BATF: variants seen among roughly 807,000 people sequenced by gnomAD.
The protein encoded by BATF is basic leucine zipper ATF-like transcription factor, also known as basic leucine zipper transcriptional factor ATF-like.
A neutral mutation model predicts 13.7 loss-of-function variants in BATF; 5 were observed. The ratio of observed to expected loss-of-function variants is 0.36; its 90% confidence interval spans 0.19 to 0.77. The LOEUF is 0.77. Among genes scored for constraint, BATF ranks in the 30% least tolerant of loss-of-function variants. The pLI is 0.51. For missense variants in BATF, 124 were observed against 163.0 expected (o/e 0.76, Z 1.30); for synonymous variants, 72 against 67.5 (o/e 1.07, Z -0.33).
At chr14:75,525,400 C>T (rs145886829) in intron 2 of BATF, among the ~76,000 whole-genome samples, 8 of 152,026 alleles carry the variant, frequency 5.3e-5, no homozygotes, top group Non-Finnish European at 1.0e-4. Flanking sequence ...TGGTGGCTCA[C>T]ACCTGTAATC....
intron 2 of BATF, among the ~76,000 whole-genome samples, chr14:75,529,122 G>GA (rs1024748882): frequency 2.6e-5 from 4 of 151,690 alleles, no homozygotes; most frequent in African/African-American, 9.7e-5. Flanking sequence ...AGTTTCCAGT[G>GA]AAAAAAAATC....
intron 2 of BATF, among the ~76,000 whole-genome samples, chr14:75,540,349 G>A (rs1887878867): frequency 6.6e-6 from 1 of 152,056 alleles, no homozygotes; most frequent in East Asian, 1.9e-4. Flanking sequence ...ATGTTCCCAC[G>A]CCCCCAGGAA....
At chr14:75,524,995 G>T in intron 1 of BATF, 89 bp from the exon 2 acceptor site, 2 of 1,130,240 alleles carry the variant, frequency 1.8e-6, no homozygotes, top group Non-Finnish European at 1.3e-6. Context: ...TGGAAGGATG[G>T]CTGGACGGAT....
chr14:75,539,727 C>T (rs1428552503), intron 2 of BATF, among the ~76,000 whole-genome samples: 1 of 152,066 alleles, frequency 6.6e-6, no homozygotes, highest in East Asian at 1.9e-4. Context: ...GAATCACACA[C>T]GTGCATTATT....
chr14:75,546,351 A>C, intron 2 of BATF, 111 bp from the exon 3 acceptor site: 1 of 1,058,350 alleles, frequency 9.4e-7, no homozygotes, highest in Non-Finnish European at 1.4e-6. Flanking sequence ...GCCCTTCTCC[A>C]TGGCTGTGCT....
At chr14:75,528,207 G>T (rs1322194411) in intron 2 of BATF, among the ~76,000 whole-genome samples, 1 of 152,234 alleles carries the variant, frequency 6.6e-6, no homozygotes, top group Non-Finnish European at 1.5e-5. Flanking sequence ...GTGCTTTACA[G>T]ATGAGGGTTT....
At position 75,545,632 on chromosome 14, in the gene BATF, G is replaced by C. The variant is rs529599326; in HGVS notation, c.169-830G>C. ...TTGTAAGACGAAATGCAGACACCGG[G>C]AGCTTTTGGAAAACACGTGGCATAA... On this transcript the variant is annotated intron_variant, in intron 2 of 2. Transcript: ENST00000286639. 3.3e-5 allele frequency among the ~76,000 whole-genome samples: 5 copies of C among 152,198 alleles called. No homozygotes were observed. The South Asian group carries it at 1.0e-3, about 32-fold the overall frequency.
intron 2 of BATF, among the ~76,000 whole-genome samples, chr14:75,544,143 T>C (rs1887946023): frequency 6.6e-6 from 1 of 152,182 alleles, no homozygotes; most frequent in Non-Finnish European, 1.5e-5. Context: ...TTTAAAATAA[T>C]ATTTAACTAG....
intron 2 of BATF, among the ~76,000 whole-genome samples, chr14:75,527,599 A>G (rs975203148): frequency 6.6e-6 from 1 of 152,222 alleles, no homozygotes; most frequent in Non-Finnish European, 1.5e-5. Flanking sequence ...TCAGCACTGA[A>G]TCAGCTCTCT....
chr14:75,532,791 A>G (rs1887757131), intron 2 of BATF, among the ~76,000 whole-genome samples: 2 of 152,258 alleles, frequency 1.3e-5, no homozygotes, highest in Admixed American at 1.3e-4. Context: ...GTGATACAGC[A>G]TTAAGTGAAA....
chr14:75,525,411 C>T lies in BATF; in HGVS notation c.168+223C>T. Among the ~76,000 whole-genome samples, 2 of 151,800 alleles carry T rather than the reference C, an allele frequency of 1.3e-5. 1 individual carries two copies. The highest frequency in any genetic ancestry group is 4.8e-5 in the African/African-American group (2 of 41,282). ...GGCGTGGTGGCTCACACCTGTAATC[C>T]CAGCATTTTGGGAGGCCAAGGCGGG... On this transcript the variant is annotated intron_variant, in intron 2 of 2. Transcript: ENST00000286639.
In BATF at chr14:75,522,474, G is replaced by A. The variant is rs530576652; in HGVS notation, c.-209G>A. On this transcript the variant is annotated 5_prime_UTR_variant, in exon 1 of 3. Transcript: ENST00000286639. ...AGAGAGAGCGTGCAAGCCCCAAAGC[G>A]AGCGACATGTCCCTTTGGGGAGCAG... 27 of 566,330 alleles carry A rather than the reference G, an allele frequency of 4.8e-5. No homozygotes were observed. In the Admixed American group the frequency reaches 5.7e-4, roughly 12 times the overall value. The allele number at this position is 566,330 out of a possible 1,614,324, so 35.1% of individuals were successfully genotyped here.
At chr14:75,536,803 G>A (rs1242914747) in intron 2 of BATF, among the ~76,000 whole-genome samples, 1 of 151,896 alleles carries the variant, frequency 6.6e-6, no homozygotes, top group South Asian at 2.1e-4. Context: ...TGGGGCATGT[G>A]GTGGGGACCC....
At position 75,546,746 on chromosome 14, in the gene BATF, G is replaced by T; in HGVS notation, c.*75G>T. Reference sequence around the variant, plus strand: ...GCAGAGCTGCGCCCATCCCGCAGAGGCCCCTGTCCACCTGGAGACCCGGAG... The same window carrying T: ...GCAGAGCTGCGCCCATCCCGCAGAGTCCCCTGTCCACCTGGAGACCCGGAG... On this transcript the variant is annotated 3_prime_UTR_variant, in exon 3 of 3. Coordinates refer to ENST00000286639, the MANE Select transcript of BATF (RefSeq NM_006399.5). The T allele has an allele frequency of 6.9e-7, 1 of 1,447,976 alleles. No homozygotes were observed. The highest frequency in any genetic ancestry group is 2.5e-5 in the East Asian group (1 of 40,176). The allele number at this position is 1,447,976 out of a possible 1,614,324, so 89.7% of individuals were successfully genotyped here.
chr14:75,525,389 G>T (rs569063705), intron 2 of BATF, among the ~76,000 whole-genome samples: 14 of 152,114 alleles, frequency 9.2e-5, no homozygotes, highest in African/African-American at 3.4e-4. Flanking sequence ...TAGTCCGGGC[G>T]TGGTGGCTCA....
At chr14:75,524,982 G>A (rs144253994) in intron 1 of BATF, 102 bp from the exon 2 acceptor site, 2 of 967,668 alleles carry the variant, frequency 2.1e-6, no homozygotes, top group Non-Finnish European at 3.2e-6. Flanking sequence ...AGAGACGAAG[G>A]CATGGAAGGA....
intron 2 of BATF, among the ~76,000 whole-genome samples, chr14:75,525,798 T>C: frequency 6.7e-6 from 1 of 148,958 alleles, no homozygotes; most frequent in Non-Finnish European, 1.5e-5. Flanking sequence ...ATTTAGAAGG[T>C]ATCAAGTGCT....
intron 2 of BATF, among the ~76,000 whole-genome samples, chr14:75,539,299 C>T (rs146599785): frequency 6.2e-4 from 94 of 152,240 alleles, no homozygotes; most frequent in Non-Finnish European, 1.1e-3. Flanking sequence ...CAGGCTGTGC[C>T]TTTTTGGTAG....
At position 75,538,322 on chromosome 14, in the gene BATF, A is replaced by G. The variant is rs975894438; in HGVS notation, c.169-8140A>G. On this transcript the variant is annotated intron_variant, in intron 2 of 2. Coordinates refer to ENST00000286639, the MANE Select transcript of BATF (RefSeq NM_006399.5). The stretch of plus-strand genomic sequence containing the variant: ...TGCCCATTTGGCTCACTTAGGAAGC[A>G]TTTTTAAAGTCTTGATGCCTGCAAC... 7.9e-5 allele frequency among the ~76,000 whole-genome samples: 12 copies of G among 152,310 alleles called. No individual in the cohort carries two copies. In the East Asian group the frequency reaches 2.3e-3, roughly 29 times the overall value.
Sources: allele counts gnomAD v4.1 joint callset (sites outside exome capture counted in the v4.1 genomes callset), GRCh38; gene constraint gnomAD v4.1.1; transcripts MANE v1.5; gene names NCBI Gene and HGNC (gene_info 2026-07-23, HGNC 2026-07-21).